Variants in NALF1 observed in about 807,000 individuals in gnomAD.
NALF1 encodes NALCN channel auxiliary factor 1.
Under a neutral mutation model 48.4 loss-of-function variants are expected in NALF1, and 3 were observed. The observed-to-expected ratio is 0.06, with a 90% confidence interval of 0.03 to 0.16. NALF1 has a LOEUF of 0.16. Among genes scored for constraint, NALF1 ranks in the 10% least tolerant of loss-of-function variants. NALF1 has a pLI of 1.00. For missense variants in NALF1, 526 were observed against 571.5 expected (o/e 0.92, Z 0.81); for synonymous variants, 262 against 245.7 (o/e 1.07, Z -0.62).
intron 1 of NALF1, among the ~76,000 whole-genome samples, chr13:107,728,964 G>A (rs1876235857): frequency 6.6e-6 from 1 of 152,112 alleles, no homozygotes; most frequent in African/African-American, 2.4e-5. Flanking sequence ...ACTTTCTTGA[G>A]ACTAAGAAGT....
At chr13:107,653,674 T>A (rs895962499) in intron 1 of NALF1, among the ~76,000 whole-genome samples, 2 of 151,962 alleles carry the variant, frequency 1.3e-5, no homozygotes, top group Non-Finnish European at 2.9e-5. Context: ...AGAGATGACC[T>A]TCATGACTCT....
intron 1 of NALF1, among the ~76,000 whole-genome samples, chr13:107,668,271 C>G (rs997682976): frequency 1.3e-5 from 2 of 152,096 alleles, no homozygotes; most frequent in Non-Finnish European, 2.9e-5. Context: ...CTGTTCTGAA[C>G]TTTCCATCTC....
intron 1 of NALF1, among the ~76,000 whole-genome samples, chr13:107,416,400 G>A (rs1377703607): frequency 6.6e-6 from 1 of 151,746 alleles, no homozygotes; most frequent in Non-Finnish European, 1.5e-5. Flanking sequence ...CCTTCAGCCT[G>A]TACCACCTCT....
At chr13:107,303,880 A>T (rs1195575921) in intron 1 of NALF1, among the ~76,000 whole-genome samples, 1 of 152,200 alleles carries the variant, frequency 6.6e-6, no homozygotes, top group African/African-American at 2.4e-5. Context: ...TATTTTTAGT[A>T]ACTATGTCTG....
chr13:107,615,295 A>G (rs1223528865), intron 1 of NALF1, among the ~76,000 whole-genome samples: 4 of 152,136 alleles, frequency 2.6e-5, no homozygotes, highest in Non-Finnish European at 2.9e-5. Context: ...TAGGTACTCA[A>G]TAACAATTAG....
intron 1 of NALF1, among the ~76,000 whole-genome samples, chr13:107,814,656 A>G (rs9301261): frequency 0.29 from 43,597 of 151,992 alleles, 8,203 homozygotes; most frequent in African/African-American, 0.53. Flanking sequence ...AAATATACTC[A>G]CCTAACAGAG....
At chr13:107,376,616 A>G (rs925185655) in intron 1 of NALF1, among the ~76,000 whole-genome samples, 13 of 152,202 alleles carry the variant, frequency 8.5e-5, no homozygotes, top group African/African-American at 3.1e-4. Flanking sequence ...GTTGCTGAAG[A>G]CTAATGTAAC....
intron 1 of NALF1, among the ~76,000 whole-genome samples, chr13:107,856,240 C>A (rs1352728167): frequency 6.6e-6 from 1 of 152,146 alleles, no homozygotes; most frequent in African/African-American, 2.4e-5. Flanking sequence ...GACTTCAGTT[C>A]TTTTGATAAT....
chr13:107,363,860 A>C (rs1324351836), intron 1 of NALF1, among the ~76,000 whole-genome samples: 1 of 152,202 alleles, frequency 6.6e-6, no homozygotes, highest in African/African-American at 2.4e-5. Context: ...TGTGTTTTCT[A>C]ACCTTCTCAA....
intron 1 of NALF1, among the ~76,000 whole-genome samples, chr13:107,274,076 C>T (rs74989899): frequency 6.6e-6 from 1 of 151,898 alleles, no homozygotes; most frequent in Non-Finnish European, 1.5e-5. Context: ...AATTCACTTT[C>T]GTACATAATT....
At chr13:107,799,274 A>C (rs1161619396) in intron 1 of NALF1, among the ~76,000 whole-genome samples, 2 of 152,218 alleles carry the variant, frequency 1.3e-5, no homozygotes, top group Non-Finnish European at 2.9e-5. Flanking sequence ...GTTTAGCCAC[A>C]GACTCCTCTC....
intron 2 of NALF1, among the ~76,000 whole-genome samples, chr13:107,209,079 T>A (rs1401517457): frequency 1.3e-5 from 2 of 152,280 alleles, no homozygotes; most frequent in South Asian, 2.1e-4. Context: ...GGGGGAGGGT[T>A]TGGCCATTGC....
At chr13:107,847,789 GCTAAGCTGCGTCCA>G (rs1488045343) in intron 1 of NALF1, among the ~76,000 whole-genome samples, 4 of 152,172 alleles carry the variant, frequency 2.6e-5, no homozygotes, top group African/African-American at 9.7e-5. Context: ...TGAGGACACA[GCTAAGCTGCGTCCA>G]CATTTCTGAC....
chr13:107,864,129 T>G (rs929645612), intron 1 of NALF1, among the ~76,000 whole-genome samples: 8 of 152,226 alleles, frequency 5.3e-5, no homozygotes, highest in African/African-American at 1.9e-4. Context: ...TAGTTATTCA[T>G]TATTAATTTC....
At chr13:107,210,272 G>C (rs532061032) in intron 2 of NALF1, among the ~76,000 whole-genome samples, 22 of 152,162 alleles carry the variant, frequency 1.4e-4, no homozygotes, top group Non-Finnish European at 2.9e-4. Context: ...AGGCAATGCA[G>C]GCTGAATCTA....
intron 1 of NALF1, among the ~76,000 whole-genome samples, chr13:107,221,273 C>A (rs1220768906): frequency 6.6e-6 from 1 of 151,958 alleles, no homozygotes; most frequent in African/African-American, 2.4e-5. Context: ...ACCACTAAAG[C>A]TATTGAAATT....
chr13:107,709,118 G>T (rs1315777969), intron 1 of NALF1, among the ~76,000 whole-genome samples: 1 of 152,190 alleles, frequency 6.6e-6, no homozygotes, highest in Non-Finnish European at 1.5e-5. Context: ...TGTTTCAGTT[G>T]TGTTGAAAGA....
intron 1 of NALF1, among the ~76,000 whole-genome samples, chr13:107,224,803 A>T (rs1880068400): frequency 6.6e-6 from 1 of 152,160 alleles, no homozygotes; most frequent in Non-Finnish European, 1.5e-5. Flanking sequence ...CTTTGGTTTA[A>T]AAATTAGAAA....
At chr13:107,800,744 A>G (rs1198362841) in intron 1 of NALF1, among the ~76,000 whole-genome samples, 1 of 147,722 alleles carries the variant, frequency 6.8e-6, no homozygotes, top group African/African-American at 2.5e-5. Context: ...ATAATATATG[A>G]TATAATATAT....
Sources: gnomAD v4.1 joint callset for allele counts (sites outside exome capture counted in the v4.1 genomes callset) on GRCh38, gnomAD v4.1.1 for gene constraint, MANE v1.5 for transcripts, NCBI Gene and HGNC (gene_info 2026-07-23, HGNC 2026-07-21) for gene names.